Variants in PSD3 observed in about 807,000 individuals in gnomAD.
PSD3 encodes pleckstrin and Sec7 domain containing 3.
In PSD3, 49 loss-of-function variants were observed where a neutral mutation model predicts 105.5. The ratio of observed to expected loss-of-function variants is 0.46; its 90% CI spans 0.37 to 0.59. The LOEUF is 0.59. PSD3 is among the 20% of genes least tolerant of loss of function. The pLI, the probability that PSD3 is intolerant of heterozygous loss-of-function variation, is 0.00. For missense variants in PSD3, 1,561 were observed against 1,263.8 expected (o/e 1.24, Z -3.57); for synonymous variants, 557 against 457.8 (o/e 1.22, Z -2.77).
chr8:18,540,145 T>A (rs1800080053), intron 15 of PSD3, among the ~76,000 whole-genome samples: 1 of 152,192 alleles, frequency 6.6e-6, no homozygotes, highest in Non-Finnish European at 1.5e-5. Flanking sequence ...TAAGTAGAAG[T>A]CTGCTAGGAC....
At chr8:19,051,254 G>A (rs1174385402) in intron 1 of PSD3, among the ~76,000 whole-genome samples, 6 of 125,584 alleles carry the variant, frequency 4.8e-5, no homozygotes, top group Admixed American at 1.6e-4. Context: ...GATAACCAGC[G>A]CTCGTCCTTC....
chr8:18,854,870 G>T (rs1276011496), intron 4 of PSD3, among the ~76,000 whole-genome samples: 1 of 152,120 alleles, frequency 6.6e-6, no homozygotes, highest in African/African-American at 2.4e-5. Context: ...GCTCGTGGAT[G>T]TGAAAATATT....
intron 15 of PSD3, among the ~76,000 whole-genome samples, chr8:18,539,393 C>A (rs1037883289): frequency 2.0e-5 from 3 of 152,144 alleles, no homozygotes; most frequent in African/African-American, 7.2e-5. Flanking sequence ...AACTATGCAA[C>A]AGCATCATTT....
In PSD3 at chr8:18,557,429, C is replaced by A. The variant is rs767072652; in HGVS notation, c.2785-1077G>T. 3 of 153,416 alleles carry A rather than the reference C, an allele frequency of 2.0e-5. No individual in the cohort carries two copies. In the South Asian group the frequency reaches 6.1e-4, roughly 31 times the overall value. 9.5% of individuals were successfully genotyped at this position (153,416 alleles called of 1,614,324 possible). On this transcript the variant is annotated intron_variant, in intron 14 of 15. Transcript: ENST00000327040. ...AATATTGTTGTAAATTAGAAGAAAA[C>A]GTGTCCAGAAATTATGAGCGTCACA... is the stretch of plus-strand genomic sequence containing the variant.
intron 2 of PSD3, among the ~76,000 whole-genome samples, chr8:18,908,984 C>T (rs897118465): frequency 2.0e-5 from 3 of 152,138 alleles, no homozygotes; most frequent in African/African-American, 7.2e-5. Context: ...AAATAGAAAA[C>T]TAAAACAGGG....
chr8:18,821,932 T>G (rs1449355823), intron 4 of PSD3, among the ~76,000 whole-genome samples: 3 of 150,660 alleles, frequency 2.0e-5, no homozygotes, highest in Non-Finnish European at 2.9e-5. Flanking sequence ...ACCTCCATCC[T>G]AAGAAAAAAT....
intron 1 of PSD3, among the ~76,000 whole-genome samples, chr8:19,043,360 G>A (rs370218283): frequency 5.3e-5 from 8 of 152,148 alleles, no homozygotes; most frequent in African/African-American, 1.9e-4. Flanking sequence ...CAACTCTCTC[G>A]TCTGTTAGTG....
In PSD3 at chr8:18,872,542, T is replaced by C. The variant is rs1349869566; in HGVS notation, c.322A>G (p.Thr108Ala). ...TGCHSGLDSV[T>A]EGPKDVREAP... ...TCTCTGACATCTTTTGGTCCTTCTG[T>C]AACACTGTCGAGCCCAGAGTGGCAG... Residue 108 changes from threonine (T) to alanine (A), a missense_variant, in exon 3 of 16, where the codon ACA becomes GCA. Thr to Ala is a moderately conservative substitution (Grantham distance 58, BLOSUM62 0). Coordinates refer to ENST00000327040, the MANE Select transcript of PSD3 (RefSeq NM_015310.4). 6 of 1,614,074 alleles carry C rather than the reference T, an allele frequency of 3.7e-6. No homozygotes were observed. The South Asian group carries it at 6.6e-5, about 18-fold the overall frequency.
At chr8:18,722,927 T>C (rs1179873133) in intron 9 of PSD3, among the ~76,000 whole-genome samples, 12 of 152,340 alleles carry the variant, frequency 7.9e-5, no homozygotes, top group Admixed American at 2.6e-4. Flanking sequence ...TAGAATGCCG[T>C]ATGTCCCTTG....
intron 1 of PSD3, among the ~76,000 whole-genome samples, chr8:18,970,931 A>G (rs1824610531): frequency 6.6e-6 from 1 of 150,538 alleles, no homozygotes; most frequent in African/African-American, 2.5e-5. Flanking sequence ...GTGAGCCGAG[A>G]TCACACCACT....
rs1320866861 is a variant in PSD3, at chr8:18,631,157, A to T, written c.2410+1456T>A. Among the ~76,000 whole-genome samples the T allele has an allele frequency of 2.6e-5, 4 of 152,114 alleles. No homozygotes were observed. The East Asian group carries it at 7.7e-4, about 29-fold the overall frequency. On this transcript the variant is annotated intron_variant, in intron 11 of 15. Coordinates refer to ENST00000327040, the MANE Select transcript of PSD3 (RefSeq NM_015310.4). ...AGTTGGGCAGGCATGTTACAGAGAG[A>T]TGGTATATTTGTGGTTGTAAAAGGA... is the stretch of plus-strand genomic sequence containing the variant.
chr8:18,878,608 T>C (rs932785662), intron 2 of PSD3, among the ~76,000 whole-genome samples: 3 of 152,206 alleles, frequency 2.0e-5, no homozygotes, highest in African/African-American at 7.2e-5. Context: ...TTCCTTTCTC[T>C]ACCTGACATA....
At chr8:18,661,450 A>G (rs1809341876) in intron 9 of PSD3, among the ~76,000 whole-genome samples, 1 of 152,242 alleles carries the variant, frequency 6.6e-6, no homozygotes, top group African/African-American at 2.4e-5. Flanking sequence ...AAAATTAATG[A>G]TAAAACCAGT....
chr8:18,641,344 C>T (rs900554333), intron 10 of PSD3, among the ~76,000 whole-genome samples: 1 of 152,150 alleles, frequency 6.6e-6, no homozygotes, highest in African/African-American at 2.4e-5. Flanking sequence ...TCTAAGTTGC[C>T]AGGCAGTGTG....
At chr8:18,974,672 C>CA (rs142184048) in intron 1 of PSD3, among the ~76,000 whole-genome samples, 14,912 of 130,326 alleles carry the variant, frequency 0.11, 902 homozygotes, top group Non-Finnish European at 0.15. Flanking sequence ...CACATCAAGT[C>CA]AAAAAAAAAA....
intron 1 of PSD3, among the ~76,000 whole-genome samples, chr8:19,005,094 C>T (rs28835298): frequency 0.13 from 19,360 of 151,914 alleles, 1,451 homozygotes; most frequent in African/African-American, 0.14. Context: ...AAACGAAAAG[C>T]AAAACCACAA....
chr8:18,918,769 C>T (rs17127429), intron 2 of PSD3, among the ~76,000 whole-genome samples: 6,991 of 152,140 alleles, frequency 0.046, 196 homozygotes, highest in Admixed American at 0.08. Context: ...TGTCAAACTT[C>T]CACCACCCTC....
intron 8 of PSD3, among the ~76,000 whole-genome samples, chr8:18,776,820 C>T (rs368061111): frequency 2.6e-5 from 4 of 152,100 alleles, no homozygotes; most frequent in East Asian, 1.9e-4. Context: ...TCAAAGTTCC[C>T]GATGAACTTC....
intron 9 of PSD3, among the ~76,000 whole-genome samples, chr8:18,752,545 A>ATT (rs1349903166): frequency 2.4e-3 from 36 of 14,780 alleles, no homozygotes; most frequent in African/African-American, 6.1e-3. Context: ...TATTATATAT[A>ATT]TTATATATAA....
Sources: allele counts gnomAD v4.1 joint callset (sites outside exome capture counted in the v4.1 genomes callset), GRCh38; gene constraint gnomAD v4.1.1; transcripts MANE v1.5; gene names NCBI Gene and HGNC (gene_info 2026-07-23, HGNC 2026-07-21).